CYRIA: variants seen among roughly 807,000 people sequenced by gnomAD.
CYRIA encodes CYFIP-related Rac1 interactor A.
In CYRIA, 15 loss-of-function variants were observed where a neutral mutation model predicts 43.9. That is an observed-to-expected ratio of 0.34 (90% CI 0.23 to 0.53). The LOEUF (loss-of-function observed/expected upper bound fraction) is 0.53, where lower values mean the gene tolerates loss of function less well. CYRIA is among the 20% of genes least tolerant of loss of function. The probability of loss-of-function intolerance (pLI) is 0.94; values close to 1 mark genes in which losing one functional copy is unlikely to be tolerated. For missense variants in CYRIA, 236 were observed against 394.2 expected (o/e 0.60, Z 3.40); for synonymous variants, 117 against 136.0 (o/e 0.86, Z 0.97).
chr2:16,585,405 G>C (rs757380109), intron 3 of CYRIA, among the ~76,000 whole-genome samples: 2 of 152,052 alleles, frequency 1.3e-5, no homozygotes, highest in Non-Finnish European at 2.9e-5. Flanking sequence ...TGATTTCCTA[G>C]TCATTTCCTG....
At chr2:16,575,117 T>G (rs750090639) in intron 3 of CYRIA, among the ~76,000 whole-genome samples, 1 of 152,118 alleles carries the variant, frequency 6.6e-6, no homozygotes, top group Admixed American at 6.5e-5. Flanking sequence ...ATGTGAGACA[T>G]GGAGTCAAAA....
intron 1 of CYRIA, among the ~76,000 whole-genome samples, chr2:16,660,459 T>C (rs1474814036): frequency 2.6e-5 from 4 of 152,168 alleles, no homozygotes; most frequent in African/African-American, 9.7e-5. Context: ...TACTTCCCTC[T>C]TCCCTCAGCA....
rs1666316148 is a variant in CYRIA at position 16,551,650 on chromosome 2, TTCA to T, written c.*1283_*1285del. 6.6e-6 allele frequency: 1 copy of T among 152,124 alleles called. No homozygotes were observed. Among genetic ancestry groups the T allele is most frequent in the African/African-American group, 2.4e-5 (1 of 41,446 alleles). The allele number at this position is 152,124 out of a possible 1,614,324, so 9.4% of individuals were successfully genotyped here. On this transcript the variant is annotated 3_prime_UTR_variant, in exon 12 of 12. Coordinates refer to ENST00000381323, the MANE Select transcript of CYRIA (RefSeq NM_030797.4). ...AATGACTGCAGGCTTCATAATATTG[TTCA>T]TCAACAAGACAAGGTGGGGCAAATG...
intron 1 of CYRIA, among the ~76,000 whole-genome samples, chr2:16,629,447 CT>C (rs1280125567): frequency 2.6e-5 from 4 of 152,216 alleles, no homozygotes; most frequent in Non-Finnish European, 5.9e-5. Flanking sequence ...TCTTAACAAA[CT>C]CTCCCATCAA....
In CYRIA at chr2:16,550,255, G is replaced by T. The variant is rs1456378805; in HGVS notation, c.*2681C>A. The T allele has an allele frequency of 6.7e-6, 1 of 150,216 alleles. No homozygotes were observed. Among genetic ancestry groups the T allele is most frequent in the South Asian group, 2.1e-4 (1 of 4,784 alleles). 9.3% of individuals were successfully genotyped at this position (150,216 alleles called of 1,614,324 possible). A position where few individuals can be genotyped will look rare whatever the true frequency, so the allele number is the denominator to read the frequency against. On this transcript the variant is annotated 3_prime_UTR_variant, in exon 12 of 12. Coordinates refer to ENST00000381323, the MANE Select transcript of CYRIA (RefSeq NM_030797.4). The stretch of plus-strand genomic sequence containing the variant: ...CCTAAACCACCCGTAAGTCTTGGAC[G>T]CATGTGCATGCAGCACACACACACA...
intron 1 of CYRIA, among the ~76,000 whole-genome samples, 181 bp downstream of exon 1, chr2:16,665,599 C>T (rs1670370459): frequency 6.6e-6 from 1 of 151,812 alleles, no homozygotes; most frequent in Admixed American, 6.6e-5. Context: ...GAAGGGCTCC[C>T]GGACGGTGTC....
chr2:16,641,703 G>T (rs1474637012), intron 1 of CYRIA, among the ~76,000 whole-genome samples: 1 of 152,228 alleles, frequency 6.6e-6, no homozygotes, highest in African/African-American at 2.4e-5. Context: ...GCACACAAGT[G>T]AGCGTGCCTG....
At chr2:16,593,778 A>C (rs1226299997) in intron 2 of CYRIA, among the ~76,000 whole-genome samples, 1 of 128,686 alleles carries the variant, frequency 7.8e-6, no homozygotes, top group Admixed American at 8.8e-5. Flanking sequence ...CACATTGTGC[A>C]GGTTAGTTAC....
At chr2:16,579,530 A>G (rs1346948481) in intron 3 of CYRIA, among the ~76,000 whole-genome samples, 2 of 152,164 alleles carry the variant, frequency 1.3e-5, no homozygotes, top group South Asian at 4.1e-4. Flanking sequence ...CATATATAGA[A>G]GCAAAATACA....
intron 9 of CYRIA, 21 bp from the exon 10 acceptor site, chr2:16,559,607 G>T (rs1275233700): frequency 1.2e-6 from 2 of 1,608,764 alleles, no homozygotes; most frequent in Non-Finnish European, 1.7e-6. Context: ...AGAAACAGCA[G>T]TGGCGTCACT....
chr2:16,654,194 A>G (rs758953579), intron 1 of CYRIA, among the ~76,000 whole-genome samples: 11 of 152,220 alleles, frequency 7.2e-5, no homozygotes, highest in Non-Finnish European at 1.5e-4. Flanking sequence ...TGATTCACCA[A>G]GCAAGCCAAA....
intron 3 of CYRIA, among the ~76,000 whole-genome samples, chr2:16,578,621 A>C (rs1433869350): frequency 6.6e-6 from 1 of 152,198 alleles, no homozygotes; most frequent in South Asian, 2.1e-4. Context: ...AAAATTCCAC[A>C]TTAGATGGTT....
chr2:16,650,811 G>A lies in CYRIA; in HGVS notation c.-167+14969C>T, dbSNP rs1016665365. ...GACCGTGACCTTAAGGCAAGTCAAG[G>A]AGGAAGGTAGCAATTCAGGACAGAG... On this transcript the variant is annotated intron_variant, in intron 1 of 11. Transcript: ENST00000381323. This position sits in a 1 kb window ranked among gnomAD's most constrained non-coding sequence, Gnocchi z 4.1. 6.6e-6 allele frequency among the ~76,000 whole-genome samples: 1 copy of A among 152,074 alleles called. No individual in the cohort carries two copies. Among genetic ancestry groups the A allele is most frequent in the South Asian group, 2.1e-4 (1 of 4,830 alleles).
At chr2:16,584,240 G>A (rs183829844) in intron 3 of CYRIA, among the ~76,000 whole-genome samples, 21 of 152,232 alleles carry the variant, frequency 1.4e-4, no homozygotes, top group Admixed American at 1.2e-3. Flanking sequence ...CAGCTCTGCA[G>A]CACTGAATCC....
At chr2:16,593,716 G>GT (rs1668012009) in intron 2 of CYRIA, among the ~76,000 whole-genome samples, 22 of 87,158 alleles carry the variant, frequency 2.5e-4, no homozygotes, top group South Asian at 9.1e-4. Context: ...TTGTGTGTGT[G>GT]TGTTTTTTTT....
chr2:16,651,132 G>C (rs1048297746), intron 1 of CYRIA, among the ~76,000 whole-genome samples: 3 of 152,110 alleles, frequency 2.0e-5, no homozygotes, highest in African/African-American at 7.2e-5. Context: ...GGGGGTCTGG[G>C]AGGGTTGGCA....
chr2:16,559,347 C>G, intron 10 of CYRIA, 113 bp downstream of exon 10: 2 of 1,294,818 alleles, frequency 1.5e-6, no homozygotes, highest in Non-Finnish European at 2.1e-6. Context: ...GGCTGTGCAT[C>G]TTAGAAAGAT....
rs532740253 is a variant in CYRIA, at chr2:16,655,540, G to A, written c.-167+10240C>T. Among the ~76,000 whole-genome samples the A allele has an allele frequency of 4.6e-5, 7 of 152,210 alleles. No individual in the cohort carries two copies. The East Asian group carries it at 5.8e-4, about 13-fold the overall frequency. ...CAATATTTCACATTCTCTTCTGTTC[G>A]TTCTCCCTCACATCCAGTGTCTCAA... is the stretch of plus-strand genomic sequence containing the variant. On this transcript the variant is annotated intron_variant, in intron 1 of 11. Coordinates refer to ENST00000381323, the MANE Select transcript of CYRIA (RefSeq NM_030797.4).
intron 11 of CYRIA, among the ~76,000 whole-genome samples, chr2:16,553,676 C>T (rs1301298361): frequency 6.6e-6 from 1 of 152,098 alleles, no homozygotes; most frequent in Non-Finnish European, 1.5e-5. Context: ...TATTCCAGAT[C>T]ACAAGGTTAC....
Sources: gnomAD v4.1 joint callset for allele counts (sites outside exome capture counted in the v4.1 genomes callset) on GRCh38, gnomAD v4.1.1 for gene constraint, Gnocchi (gnomAD v3.1) non-coding constraint, MANE v1.5 for transcripts, NCBI Gene and HGNC (gene_info 2026-07-23, HGNC 2026-07-21) for gene names.